SLC17A1: variants seen among roughly 807,000 people sequenced by gnomAD.
SLC17A1 encodes the protein sodium-dependent phosphate transport protein 1.
Under a neutral mutation model 53.5 loss-of-function variants are expected in SLC17A1, and 51 were observed. The observed-to-expected ratio is 0.95, with a 90% CI of 0.76 to 1.20. The LOEUF (loss-of-function observed/expected upper bound fraction) is 1.20, where lower values mean the gene tolerates loss of function less well. Ranked by LOEUF, SLC17A1 falls within the 50% of genes most tolerant of loss-of-function variation. The pLI, the probability that SLC17A1 is intolerant of heterozygous loss-of-function variation, is 0.00. For synonymous variants in SLC17A1, 179 were observed against 198.8 expected (o/e 0.90, Z 0.84); for missense variants, 538 against 568.2 (o/e 0.95, Z 0.54).
chr6:25,727,046 G>A, the SLC17A1 span: 1 of 1,614,226 alleles, frequency 6.2e-7, no homozygotes, highest in Non-Finnish European at 8.5e-7. Flanking sequence ...TCTACAAAGT[G>A]CTAAAGCAGG....
chr6:25,786,865 G>T (rs1355527118), intron 12 of SLC17A1, among the ~76,000 whole-genome samples: 1 of 152,218 alleles, frequency 6.6e-6, no homozygotes, highest in Admixed American at 6.5e-5. Flanking sequence ...GAAGGAGAAG[G>T]TCCGCCTGCA....
chr6:25,724,926 G>A, the SLC17A1 span, among the ~76,000 whole-genome samples: 1 of 148,446 alleles, frequency 6.7e-6, no homozygotes, highest in Admixed American at 6.7e-5. Context: ...TACTCGGCAT[G>A]TTTTATTTTA....
the SLC17A1 span, among the ~76,000 whole-genome samples, chr6:25,741,723 ACAG>A: frequency 6.6e-6 from 1 of 152,052 alleles, no homozygotes; most frequent in African/African-American, 2.4e-5. Context: ...CTCAAAAACA[ACAG>A]CAAAAATACA....
chr6:25,775,137 C>T, the SLC17A1 span, among the ~76,000 whole-genome samples: 2 of 152,044 alleles, frequency 1.3e-5, no homozygotes, highest in Non-Finnish European at 2.9e-5. Flanking sequence ...TGAGACCAGC[C>T]TGGCCAACAT....
intron 3 of SLC17A1, among the ~76,000 whole-genome samples, chr6:25,820,755 C>T (rs774696167): frequency 3.3e-5 from 5 of 151,806 alleles, no homozygotes; most frequent in East Asian, 1.9e-4. Flanking sequence ...AAAAATTAGC[C>T]GGGCGTGGTT....
chr6:25,777,606 C>CAACAAA, the SLC17A1 span: 1 of 197,398 alleles, frequency 5.1e-6, no homozygotes, highest in African/African-American at 2.6e-5. Context: ...ACAACAACAA[C>CAACAAA]AAAAACCTTA....
At chr6:25,744,031 T>C in the SLC17A1 span, among the ~76,000 whole-genome samples, 2 of 152,162 alleles carry the variant, frequency 1.3e-5, no homozygotes, top group African/African-American at 4.8e-5. Flanking sequence ...TTCAGGGAGA[T>C]AGAAGAGAGT....
chr6:25,779,297 AC>A (rs1350918705), downstream of SLC17A1: 2 of 1,449,764 alleles, frequency 1.4e-6, no homozygotes, highest in Non-Finnish European at 1.9e-6. Context: ...CTAGACCCTG[AC>A]TATGTAACGC....
the SLC17A1 span, chr6:25,777,460 G>A: frequency 6.3e-6 from 1 of 158,212 alleles, no homozygotes; most frequent in Non-Finnish European, 1.4e-5. Flanking sequence ...AGAAATGTGA[G>A]AGATGCCCTT....
the SLC17A1 span, among the ~76,000 whole-genome samples, chr6:25,754,442 T>C: frequency 2.0e-5 from 3 of 152,090 alleles, no homozygotes; most frequent in African/African-American, 7.2e-5. Context: ...ATAATAACTC[T>C]GAGAGACCCC....
chr6:25,770,617 T>C, the SLC17A1 span: 182 of 746,616 alleles, frequency 2.4e-4, no homozygotes, highest in Non-Finnish European at 3.6e-4. Flanking sequence ...CCTTACTTGA[T>C]TGTAACTGAA....
At chr6:25,766,817 T>A in the SLC17A1 span, among the ~76,000 whole-genome samples, 1 of 152,154 alleles carries the variant, frequency 6.6e-6, no homozygotes, top group Non-Finnish European at 1.5e-5. Flanking sequence ...TAGAATACAT[T>A]TTAGAAACAA....
intron 10 of SLC17A1, among the ~76,000 whole-genome samples, chr6:25,803,519 C>T (rs997748053): frequency 1.3e-5 from 2 of 152,164 alleles, no homozygotes; most frequent in African/African-American, 4.8e-5. Context: ...GACAGAGCTA[C>T]TTCTGTTAGT....
At chr6:25,731,967 A>G in the SLC17A1 span, 6 of 1,596,354 alleles carry the variant, frequency 3.8e-6, no homozygotes, top group South Asian at 2.2e-5. Flanking sequence ...GTCACTAACA[A>G]AAGAATTCAT....
At chr6:25,802,922 C>T (rs1307888181) in intron 10 of SLC17A1, among the ~76,000 whole-genome samples, 58 of 131,588 alleles carry the variant, frequency 4.4e-4, no homozygotes, top group African/African-American at 1.1e-3. Context: ...GACGTTTTAA[C>T]GACTATCTTC....
At chr6:25,778,108 C>A (rs535562368), downstream of SLC17A1, 121 of 854,606 alleles carry the variant, frequency 1.4e-4, 1 homozygote, top group East Asian at 2.3e-3. Flanking sequence ...CTAGAAGATG[C>A]TTTTAAAGTA....
the SLC17A1 span, among the ~76,000 whole-genome samples, chr6:25,762,256 A>G: frequency 6.6e-6 from 1 of 152,220 alleles, no homozygotes; most frequent in Non-Finnish European, 1.5e-5. Context: ...CTTTGAAGGT[A>G]TATAAGACAG....
At chr6:25,726,044 C>T in the SLC17A1 span, 3 of 1,229,110 alleles carry the variant, frequency 2.4e-6, no homozygotes, top group Non-Finnish European at 3.4e-6. Context: ...TTGTAACGTA[C>T]AGCCTTTTTC....
Position 25,789,200 on chromosome 6 carries a change from G to T in SLC17A1, c.*3-5982C>A, listed in dbSNP as rs558059899. Reference sequence around the variant, plus strand: ...TCAGGGAAAAACTCAAGATGACTCTGGAATTTTGTTTTGTGCCACAAAGTA... The same window carrying T: ...TCAGGGAAAAACTCAAGATGACTCTTGAATTTTGTTTTGTGCCACAAAGTA... On this transcript the variant is annotated intron_variant, in intron 12 of 12. Coordinates refer to ENST00000244527, the MANE Select transcript of SLC17A1 (RefSeq NM_005074.5). Among the ~76,000 whole-genome samples, 18 of 152,078 alleles carry T rather than the reference G, an allele frequency of 1.2e-4. 1 individual carries two copies. The highest frequency in any genetic ancestry group is 1.0e-3 in the South Asian group (5 of 4,824).
Sources: allele counts gnomAD v4.1 joint callset (sites outside exome capture counted in the v4.1 genomes callset), GRCh38; gene constraint gnomAD v4.1.1; transcripts MANE v1.5; gene names NCBI Gene and HGNC (gene_info 2026-07-23, HGNC 2026-07-21).